Variants in ANTXR1 observed in about 807,000 individuals in gnomAD.
ANTXR1 encodes ANTXR cell adhesion molecule 1.
Under a neutral mutation model 78.1 loss-of-function variants are expected in ANTXR1, and 19 were observed. The observed-to-expected ratio is 0.24, with a 90% confidence interval of 0.17 to 0.36. ANTXR1 has a LOEUF of 0.36. ANTXR1 is among the 10% of genes least tolerant of loss of function. The pLI, the probability that ANTXR1 is intolerant of heterozygous loss-of-function variation, is 1.00. For synonymous variants in ANTXR1, 273 were observed against 260.5 expected (o/e 1.05, Z -0.46); for missense variants, 518 against 718.6 (o/e 0.72, Z 3.19).
intron 10 of ANTXR1, among the ~76,000 whole-genome samples, chr2:69,119,338 CCTGTGGCTGCT>C (rs1316300439): frequency 2.0e-5 from 3 of 152,220 alleles, no homozygotes; most frequent in Admixed American, 6.5e-5. Context: ...CACATGGCCT[CCTGTGGCTGCT>C]CTGTGGCTGC....
At chr2:69,016,298 G>C (rs1671023640) in intron 1 of ANTXR1, among the ~76,000 whole-genome samples, 1 of 152,108 alleles carries the variant, frequency 6.6e-6, no homozygotes, top group African/African-American at 2.4e-5. Context: ...TACCATACCG[G>C]ATAGTGCAGA....
chr2:69,197,138 C>T (rs1674684051), intron 17 of ANTXR1, among the ~76,000 whole-genome samples: 1 of 152,196 alleles, frequency 6.6e-6, no homozygotes, highest in Non-Finnish European at 1.5e-5. Flanking sequence ...CCCATTGTTC[C>T]TTGGAGCCCA....
chr2:69,156,797 A>T (rs992459507), intron 13 of ANTXR1, among the ~76,000 whole-genome samples: 1 of 152,214 alleles, frequency 6.6e-6, no homozygotes, highest in African/African-American at 2.4e-5. Context: ...CACCGCCATG[A>T]TCCAATCACT....
At chr2:69,020,912 T>C (rs966566676) in intron 1 of ANTXR1, among the ~76,000 whole-genome samples, 1 of 152,192 alleles carries the variant, frequency 6.6e-6, no homozygotes, top group African/African-American at 2.4e-5. Flanking sequence ...CAATGCCTAT[T>C]GCAAGCAATG....
chr2:69,148,757 C>G (rs1048839959), intron 12 of ANTXR1, among the ~76,000 whole-genome samples: 1 of 152,106 alleles, frequency 6.6e-6, no homozygotes, highest in Non-Finnish European at 1.5e-5. Context: ...ATAAAGACTG[C>G]CTATTTTGTT....
chr2:69,108,206 G>C (rs966447015), intron 10 of ANTXR1, among the ~76,000 whole-genome samples: 1 of 152,050 alleles, frequency 6.6e-6, no homozygotes, highest in African/African-American at 2.4e-5. Context: ...ACAATGCCAT[G>C]AACATTATAA....
chr2:69,106,299 G>T (rs1671807232), intron 10 of ANTXR1, among the ~76,000 whole-genome samples: 1 of 152,140 alleles, frequency 6.6e-6, no homozygotes, highest in African/African-American at 2.4e-5. Flanking sequence ...TAGATTTGTG[G>T]TCAACAAAAT....
intron 1 of ANTXR1, among the ~76,000 whole-genome samples, chr2:69,019,757 A>G (rs1671130843): frequency 1.3e-5 from 2 of 151,956 alleles, no homozygotes. Flanking sequence ...GACAGGCCCC[A>G]GTGTCTGTTG....
chr2:69,140,304 T>G (rs973277279), intron 12 of ANTXR1, among the ~76,000 whole-genome samples: 2 of 152,332 alleles, frequency 1.3e-5, no homozygotes, highest in African/African-American at 4.8e-5. Context: ...GTAATAAGAT[T>G]TATAGCAAAC....
intron 13 of ANTXR1, among the ~76,000 whole-genome samples, chr2:69,157,383 T>C (rs1673556378): frequency 6.6e-6 from 1 of 152,076 alleles, no homozygotes; most frequent in Non-Finnish European, 1.5e-5. Context: ...TGTTTACCCA[T>C]CACTGGCCTT....
At chr2:69,163,924 A>G (rs1195419380) in intron 13 of ANTXR1, among the ~76,000 whole-genome samples, 1 of 152,214 alleles carries the variant, frequency 6.6e-6, no homozygotes, top group African/African-American at 2.4e-5. Context: ...AAAAATGTAC[A>G]TTACCTTCTC....
intron 17 of ANTXR1, among the ~76,000 whole-genome samples, chr2:69,203,638 C>T (rs780638350): frequency 6.6e-6 from 1 of 151,988 alleles, no homozygotes; most frequent in Non-Finnish European, 1.5e-5. Context: ...ATCTTCCTCT[C>T]CCTCTCTCTT....
intron 17 of ANTXR1, among the ~76,000 whole-genome samples, chr2:69,237,576 A>G (rs1675796349): frequency 6.6e-6 from 1 of 152,174 alleles, no homozygotes; most frequent in African/African-American, 2.4e-5. Flanking sequence ...AAAGGCACAC[A>G]CATCAGGCTA....
intron 17 of ANTXR1, among the ~76,000 whole-genome samples, chr2:69,229,681 T>C (rs1675539341): frequency 1.3e-5 from 2 of 151,772 alleles, no homozygotes; most frequent in African/African-American, 4.8e-5. Flanking sequence ...CTAAATAATA[T>C]TAGTTCATCC....
chr2:69,046,884 G>A (rs1375362737), intron 3 of ANTXR1, among the ~76,000 whole-genome samples: 1 of 152,136 alleles, frequency 6.6e-6, no homozygotes, highest in Non-Finnish European at 1.5e-5. Context: ...AGACCTTATA[G>A]AATTAAGAAA....
In ANTXR1 at chr2:69,013,398, G is replaced by A; in HGVS notation, c.-102G>A. ...TTGCGAGGGAGCGAGGGGGAATAAA[G>A]GACCCGCGAGGAAGGGCCCGCGGAT... On this transcript the variant is annotated 5_prime_UTR_variant, in exon 1 of 18. Transcript: ENST00000303714. The surrounding 1 kb of genome is among the most constrained non-coding windows in gnomAD (Gnocchi z 5.0). 6.7e-7 allele frequency: 1 copy of A among 1,501,768 alleles called. No individual in the cohort carries two copies. Among genetic ancestry groups the A allele is most frequent in the Non-Finnish European group, 9.1e-7 (1 of 1,104,968 alleles). The allele number at this position is 1,501,768 out of a possible 1,614,324, so 93.0% of individuals were successfully genotyped here.
At chr2:69,043,436 T>C (rs1162423643) in intron 2 of ANTXR1, among the ~76,000 whole-genome samples, 1 of 152,206 alleles carries the variant, frequency 6.6e-6, no homozygotes, top group African/African-American at 2.4e-5. Context: ...ATAATCATTA[T>C]GATTGTTGTT....
chr2:69,206,119 A>T (rs1674895489), intron 17 of ANTXR1, among the ~76,000 whole-genome samples: 1 of 152,166 alleles, frequency 6.6e-6, no homozygotes, highest in Non-Finnish European at 1.5e-5. Flanking sequence ...TTCCTCTAGC[A>T]TTCAGCACCT....
chr2:69,193,294 C>A, intron 16 of ANTXR1, 41 bp from the exon 17 acceptor site: 1 of 1,597,188 alleles, frequency 6.3e-7, no homozygotes, highest in Non-Finnish European at 8.6e-7. Context: ...AGCCACAGGT[C>A]TGGTTTCATA....
Sources: allele counts gnomAD v4.1 joint callset (sites outside exome capture counted in the v4.1 genomes callset), GRCh38; gene constraint gnomAD v4.1.1; non-coding constraint Gnocchi (gnomAD v3.1); transcripts MANE v1.5; gene names NCBI Gene and HGNC (gene_info 2026-07-23, HGNC 2026-07-21).